Variants in FLYWCH2 observed in about 807,000 individuals in gnomAD.
The protein encoded by FLYWCH2 is FLYWCH family member 2.
A neutral mutation model predicts 6.0 loss-of-function variants in FLYWCH2; 2 were observed. The observed-to-expected ratio is 0.33, with a 90% CI of 0.14 to 1.04. FLYWCH2 has a LOEUF of 1.04. FLYWCH2 is among the 50% of genes least tolerant of loss of function. The pLI is 0.45. For missense variants in FLYWCH2, 192 were observed against 183.4 expected, an observed-to-expected ratio of 1.05 and a Z score of -0.27; for synonymous variants, 87 against 79.3, an observed-to-expected ratio of 1.10 and a Z score of -0.52.
chr16:2,888,160 C>T (rs2335463), intron 1 of FLYWCH2, among the ~76,000 whole-genome samples: 71,600 of 151,650 alleles, frequency 0.47, 17,669 homozygotes, highest in Non-Finnish European at 0.55. Flanking sequence ...AGTTGCATGC[C>T]GCCACACTCG....
intron 1 of FLYWCH2, among the ~76,000 whole-genome samples, chr16:2,884,758 C>T (rs1334959012): frequency 6.6e-6 from 1 of 151,440 alleles, no homozygotes; most frequent in East Asian, 1.9e-4. Flanking sequence ...CTTGTAATCC[C>T]AGCTACTTGG....
chr16:2,891,956 C>T (rs894242442), intron 1 of FLYWCH2, among the ~76,000 whole-genome samples: 2 of 151,370 alleles, frequency 1.3e-5, no homozygotes, highest in African/African-American at 4.9e-5. Flanking sequence ...CTTTGGGAGG[C>T]TGAGGCGGGT....
intron 1 of FLYWCH2, among the ~76,000 whole-genome samples, chr16:2,891,638 C>A (rs1263362463): frequency 6.6e-6 from 1 of 152,064 alleles, no homozygotes; most frequent in Non-Finnish European, 1.5e-5. Context: ...ATCTCCTGAC[C>A]TCGTGATCCA....
chr16:2,894,385 C>T (rs775806005), intron 1 of FLYWCH2, among the ~76,000 whole-genome samples: 3 of 152,190 alleles, frequency 2.0e-5, no homozygotes, highest in Non-Finnish European at 4.4e-5. Flanking sequence ...GCCCGGACTG[C>T]CCACTCATGC....
chr16:2,895,445 T>A (rs1006654972), intron 2 of FLYWCH2, 125 bp downstream of exon 2: 2 of 152,234 alleles, frequency 1.3e-5, no homozygotes, highest in African/African-American at 4.8e-5. Flanking sequence ...AAACCCCGTC[T>A]CTACTAAAAA....
chr16:2,885,863 G>C (rs1397379885), intron 1 of FLYWCH2, among the ~76,000 whole-genome samples: 1 of 152,084 alleles, frequency 6.6e-6, no homozygotes, highest in Non-Finnish European at 1.5e-5. Context: ...GGAATTGCTG[G>C]GTCATAGGGT....
At chr16:2,898,916 A>G in intron 3 of FLYWCH2, 133 bp from the exon 4 acceptor site, 2 of 597,892 alleles carry the variant, frequency 3.3e-6, no homozygotes, top group South Asian at 5.0e-5. Flanking sequence ...GTCACTTCTC[A>G]GTCAGGCAGA....
chr16:2,890,596 T>G (rs2069746188), intron 1 of FLYWCH2, among the ~76,000 whole-genome samples: 1 of 149,934 alleles, frequency 6.7e-6, no homozygotes, highest in Non-Finnish European at 1.5e-5. Context: ...TTTTTTTTTT[T>G]GTATTTTTAG....
chr16:2,887,600 T>C (rs2069713259), intron 1 of FLYWCH2, among the ~76,000 whole-genome samples: 1 of 151,910 alleles, frequency 6.6e-6, no homozygotes, highest in Admixed American at 6.6e-5. Flanking sequence ...AGACAGAGTC[T>C]TGCTCTGTCA....
chr16:2,885,895 A>T (rs1385820992), intron 1 of FLYWCH2, among the ~76,000 whole-genome samples: 3 of 152,160 alleles, frequency 2.0e-5, no homozygotes, highest in African/African-American at 7.2e-5. Flanking sequence ...TAACCTTTTG[A>T]GGAACTGCCA....
chr16:2,887,431 G>C (rs573347314), intron 1 of FLYWCH2, among the ~76,000 whole-genome samples: 8 of 150,734 alleles, frequency 5.3e-5, no homozygotes, highest in African/African-American at 2.0e-4. Context: ...AAAGTGCTAG[G>C]TTTATAGGCA....
intron 1 of FLYWCH2, among the ~76,000 whole-genome samples, chr16:2,892,310 C>A (rs1015821255): frequency 9.3e-5 from 14 of 151,044 alleles, no homozygotes; most frequent in Non-Finnish European, 1.8e-4. Context: ...GCTTGGCCAA[C>A]ATGGTGAAAC....
At chr16:2,890,357 TTC>T (rs2069743018) in intron 1 of FLYWCH2, among the ~76,000 whole-genome samples, 2 of 152,028 alleles carry the variant, frequency 1.3e-5, no homozygotes, top group Non-Finnish European at 2.9e-5. Flanking sequence ...AAAGCAGTTC[TTC>T]TGTGTCTGCC....
intron 3 of FLYWCH2, 22 bp downstream of exon 3, chr16:2,896,793 C>G: frequency 6.2e-7 from 1 of 1,600,742 alleles, no homozygotes; most frequent in Non-Finnish European, 8.5e-7. Flanking sequence ...CAGCGGCCCC[C>G]CAGGACAGCT....
chr16:2,883,319 G>C lies in FLYWCH2; in HGVS notation c.-247G>C, dbSNP rs1249876452. ...GGGGCCCTTGGCGCGGAGGCTGAGG[G>C]ACCCGCCGCGGCGCTGTCGCCGGAG... On this transcript the variant is annotated 5_prime_UTR_variant, in exon 1 of 4. Transcript: ENST00000396958. 1 of 152,368 alleles carries C rather than the reference G, an allele frequency of 6.6e-6. No individual in the cohort carries two copies. Among genetic ancestry groups the C allele is most frequent in the Non-Finnish European group, 1.5e-5 (1 of 68,166 alleles). The allele number at this position is 152,368 out of a possible 1,614,324, so 9.4% of individuals were successfully genotyped here.
chr16:2,894,329 CG>C (rs1367472443), intron 1 of FLYWCH2, among the ~76,000 whole-genome samples: 13 of 152,108 alleles, frequency 8.5e-5, no homozygotes, highest in African/African-American at 3.1e-4. Context: ...CTAGAGGACC[CG>C]GGGTGGACTC....
At chr16:2,892,614 G>T (rs1433114104) in intron 1 of FLYWCH2, among the ~76,000 whole-genome samples, 1 of 152,016 alleles carries the variant, frequency 6.6e-6, no homozygotes, top group African/African-American at 2.4e-5. Context: ...GGGAGGCTGA[G>T]GCGGGTGGAT....
intron 1 of FLYWCH2, among the ~76,000 whole-genome samples, chr16:2,893,553 T>G (rs1378700963): frequency 2.0e-5 from 3 of 152,170 alleles, no homozygotes; most frequent in African/African-American, 7.2e-5. Flanking sequence ...TAGTCAATAG[T>G]TTAGGTCTGT....
At chr16:2,884,602 C>T (rs966578070) in intron 1 of FLYWCH2, among the ~76,000 whole-genome samples, 16 of 137,952 alleles carry the variant, frequency 1.2e-4, no homozygotes, top group Non-Finnish European at 2.3e-4. Context: ...GGGGCCGGCG[C>T]GGTGGCTCAC....
Sources: allele counts gnomAD v4.1 joint callset (sites outside exome capture counted in the v4.1 genomes callset), GRCh38; gene constraint gnomAD v4.1.1; transcripts MANE v1.5; gene names NCBI Gene and HGNC (gene_info 2026-07-23, HGNC 2026-07-21).